Variants in PPFIA2 observed in about 807,000 individuals in gnomAD.
The protein encoded by PPFIA2 is PPFI scaffold protein A2.
A neutral mutation model predicts 175.5 loss-of-function variants in PPFIA2; 46 were observed. That is an observed-to-expected ratio of 0.26 (90% CI 0.21 to 0.34). PPFIA2 has a LOEUF of 0.34. PPFIA2 is among the 10% of genes least tolerant of loss of function. PPFIA2 has a pLI of 1.00. For synonymous variants in PPFIA2, 568 were observed against 511.4 expected (o/e 1.11, Z -1.49); for missense variants, 1,179 against 1,506.1 (o/e 0.78, Z 3.60).
intron 3 of PPFIA2, among the ~76,000 whole-genome samples, chr12:81,692,933 T>G (rs1276466993): frequency 2.0e-5 from 3 of 152,178 alleles, no homozygotes; most frequent in Non-Finnish European, 4.4e-5. Context: ...TTATTTTTAA[T>G]TATTTATAAA....
intron 19 of PPFIA2, among the ~76,000 whole-genome samples, chr12:81,344,079 A>C (rs888505217): frequency 6.6e-6 from 1 of 152,002 alleles, no homozygotes; most frequent in African/African-American, 2.4e-5. Context: ...GACAAAATTA[A>C]TCAGGCTATC....
chr12:81,367,245 T>TA, intron 13 of PPFIA2, 75 bp from the exon 14 acceptor site: 1 of 973,836 alleles, frequency 1.0e-6, no homozygotes, highest in East Asian at 3.4e-5. Flanking sequence ...ATTAATATCT[T>TA]ATCACTCAAG....
At chr12:81,432,842 T>C (rs1158428342) in intron 7 of PPFIA2, among the ~76,000 whole-genome samples, 5 of 152,162 alleles carry the variant, frequency 3.3e-5, no homozygotes, top group Admixed American at 3.3e-4. Context: ...AGATGCCCAA[T>C]AAGTATTTGT....
At chr12:81,326,602 T>C (rs528009165) in intron 21 of PPFIA2, among the ~76,000 whole-genome samples, 1 of 152,258 alleles carries the variant, frequency 6.6e-6, no homozygotes, top group Non-Finnish European at 1.5e-5. Flanking sequence ...ATAATATGTA[T>C]ACCTTATATA....
rs138384496 is a variant in PPFIA2, at chr12:81,565,345, G to A, written c.304-107479C>T. Among the ~76,000 whole-genome samples the A allele has an allele frequency of 5.3e-3, 803 of 152,162 alleles. 6 individuals are homozygous for A. Among genetic ancestry groups the A allele is most frequent in the African/African-American group, 0.017 (721 of 41,500 alleles). Reference sequence around the variant, plus strand: ...GCCTCCCAGCCTACATCTTTCTCCCGTGCTGGATGCTTCCTGCCCTCGAAT... The same window carrying A: ...GCCTCCCAGCCTACATCTTTCTCCCATGCTGGATGCTTCCTGCCCTCGAAT... On this transcript the variant is annotated intron_variant, in intron 4 of 32. Transcript: ENST00000549396.
intron 8 of PPFIA2, among the ~76,000 whole-genome samples, chr12:81,404,791 C>G (rs2042644103): frequency 6.6e-6 from 1 of 152,050 alleles, no homozygotes; most frequent in African/African-American, 2.4e-5. Flanking sequence ...TTTTTTCTAA[C>G]CACATAAGTG....
chr12:81,519,752 C>T (rs543522787), intron 4 of PPFIA2, among the ~76,000 whole-genome samples: 14 of 152,208 alleles, frequency 9.2e-5, no homozygotes, highest in South Asian at 4.1e-4. Flanking sequence ...CTTATAATAA[C>T]GAAGAAAGAT....
At chr12:81,415,602 T>C (rs1233404798) in intron 7 of PPFIA2, among the ~76,000 whole-genome samples, 1 of 150,266 alleles carries the variant, frequency 6.7e-6, no homozygotes, top group East Asian at 1.9e-4. Context: ...TTTAAATTAA[T>C]ATTTAAAGGG....
At chr12:81,576,722 C>A (rs981657836) in intron 4 of PPFIA2, among the ~76,000 whole-genome samples, 1 of 151,724 alleles carries the variant, frequency 6.6e-6, no homozygotes, top group Non-Finnish European at 1.5e-5. Flanking sequence ...TTTCTTATTG[C>A]TGAACTATAC....
Position 81,605,176 on chromosome 12 carries a change from G to GACAT in PPFIA2, c.303+71611_303+71614dup, listed in dbSNP as rs543893559. Among the ~76,000 whole-genome samples the GACAT allele has an allele frequency of 6.6e-5, 10 of 151,940 alleles. No individual in the cohort carries two copies. In the South Asian group the frequency reaches 2.1e-3, roughly 31 times the overall value. ...TATTCTGTTTTAAGACCAGCAATTT[G>GACAT]ACATAGCCTTTCTTTCATTCATTTG... On this transcript the variant is annotated intron_variant, in intron 4 of 32. Transcript: ENST00000549396.
At chr12:81,478,909 G>C (rs1678599258) in intron 4 of PPFIA2, among the ~76,000 whole-genome samples, 2 of 152,168 alleles carry the variant, frequency 1.3e-5, no homozygotes, top group African/African-American at 4.8e-5. Flanking sequence ...TCGGAGTGGA[G>C]AGTTCTGTGG....
intron 4 of PPFIA2, among the ~76,000 whole-genome samples, chr12:81,594,821 G>A (rs1358101687): frequency 2.0e-5 from 3 of 152,132 alleles, no homozygotes; most frequent in African/African-American, 4.8e-5. Context: ...GCTAAGGTGG[G>A]AGGATCGCTT....
intron 4 of PPFIA2, among the ~76,000 whole-genome samples, chr12:81,631,155 C>T (rs898532422): frequency 1.7e-4 from 26 of 152,232 alleles, no homozygotes; most frequent in Middle Eastern, 3.4e-3. Flanking sequence ...CTCAGTTTCC[C>T]AAAGTGCTGG....
At chr12:81,571,513 C>G (rs2072542071) in intron 4 of PPFIA2, among the ~76,000 whole-genome samples, 1 of 152,072 alleles carries the variant, frequency 6.6e-6, no homozygotes, top group Admixed American at 6.6e-5. Flanking sequence ...CAGCTCTTCA[C>G]TTACAAGTTG....
At chr12:81,508,378 T>C (rs1168171735) in intron 4 of PPFIA2, among the ~76,000 whole-genome samples, 2 of 151,500 alleles carry the variant, frequency 1.3e-5, no homozygotes, top group Non-Finnish European at 2.9e-5. Context: ...AAAATTAGCC[T>C]GGTATGGTGG....
At chr12:81,489,216 C>T (rs2059165951) in intron 4 of PPFIA2, among the ~76,000 whole-genome samples, 1 of 151,518 alleles carries the variant, frequency 6.6e-6, no homozygotes, top group African/African-American at 2.4e-5. Context: ...TCCCTAGTTG[C>T]TCAGTATTCT....
At chr12:81,595,771 T>C (rs2059178925) in intron 4 of PPFIA2, among the ~76,000 whole-genome samples, 1 of 152,188 alleles carries the variant, frequency 6.6e-6, no homozygotes, top group African/African-American at 2.4e-5. Context: ...AATCTTACTC[T>C]TAAAATGTGA....
At chr12:81,371,090 A>G (rs1257343936) in intron 11 of PPFIA2, among the ~76,000 whole-genome samples, 1 of 151,886 alleles carries the variant, frequency 6.6e-6, no homozygotes, top group Non-Finnish European at 1.5e-5. Flanking sequence ...GCAAACTACA[A>G]TTCAACATTT....
At chr12:81,578,699 T>G (rs924971024) in intron 4 of PPFIA2, among the ~76,000 whole-genome samples, 1 of 151,814 alleles carries the variant, frequency 6.6e-6, no homozygotes, top group African/African-American at 2.4e-5. Flanking sequence ...ATTTTCATTT[T>G]ATAGTGAGAG....
Sources: gnomAD v4.1 joint callset for allele counts (sites outside exome capture counted in the v4.1 genomes callset) on GRCh38, gnomAD v4.1.1 for gene constraint, MANE v1.5 for transcripts, NCBI Gene and HGNC (gene_info 2026-07-23, HGNC 2026-07-21) for gene names.